The following KRT31 variants were observed in gnomAD, a reference collection of about 807,000 sequenced individuals.
KRT31 encodes keratin, type I cuticular Ha1.
In KRT31, 27 loss-of-function variants were observed where a neutral mutation model predicts 40.8. That is an observed-to-expected ratio of 0.66 (90% CI 0.49 to 0.91). KRT31 has a LOEUF of 0.91. Ranked by LOEUF, KRT31 falls within the 40% of genes least tolerant of loss-of-function variation. The pLI is 0.00. For missense variants in KRT31, 510 were observed against 544.1 expected (o/e 0.94, Z 0.62); for synonymous variants, 231 against 231.9 (o/e 1.00, Z 0.03).
Position 41,394,928 on chromosome 17 carries a change from G to A in KRT31, c.1017C>T (p.Tyr339=), listed in dbSNP as rs371841210. Residue 339 remains tyrosine (Y), a synonymous_variant, in exon 6 of 7, where the codon TAC becomes TAT. Coordinates refer to ENST00000251645, the MANE Select transcript of KRT31 (RefSeq NM_002277.3). ...RSDLERQNQE[Y]QVLLDVRARL... The stretch of plus-strand genomic sequence containing the variant: ...GGGCACGCACATCCAGCAGCACCTG[G>A]TACTCCTGGTTCTGCCGCTCCAGGT... 1.4e-5 allele frequency: 23 copies of A among 1,614,060 alleles called. No homozygotes were observed. The highest frequency in any genetic ancestry group is 2.7e-5 in the African/African-American group (2 of 74,910).
intron 3 of KRT31, 108 bp from the exon 4 acceptor site, chr17:41,395,731 T>C: frequency 3.7e-6 from 5 of 1,334,414 alleles, no homozygotes; most frequent in Non-Finnish European, 5.1e-6. Flanking sequence ...GAAAAGAAAC[T>C]TTGAGTGGAG....
At chr17:41,394,728 T>C (rs2018187813) in intron 6 of KRT31, 120 bp downstream of exon 6, 2 of 1,517,788 alleles carry the variant, frequency 1.3e-6, no homozygotes, top group Non-Finnish European at 8.9e-7. Context: ...TGAGTTCTGT[T>C]TGAGCATGTC....
chr17:41,396,884 G>T, intron 2 of KRT31, 29 bp downstream of exon 2: 1 of 1,539,836 alleles, frequency 6.5e-7, no homozygotes, highest in Non-Finnish European at 9.0e-7. Flanking sequence ...AGAAGCAATT[G>T]ACACTAGTGC....
At chr17:41,395,689 G>T in intron 3 of KRT31, 66 bp from the exon 4 acceptor site, 1 of 1,533,734 alleles carries the variant, frequency 6.5e-7, no homozygotes, top group Non-Finnish European at 8.9e-7. Flanking sequence ...GAATGGCATT[G>T]CTTGTTGAAA....
intron 6 of KRT31, 65 bp from the exon 7 acceptor site, chr17:41,394,234 T>C: frequency 1.3e-6 from 2 of 1,571,548 alleles, no homozygotes; most frequent in Admixed American, 1.8e-5. Flanking sequence ...ATGCCAGAGA[T>C]ATCCCCAAGG....
At chr17:41,396,378 G>A (rs771170524) in intron 3 of KRT31, 42 bp downstream of exon 3, 5 of 1,593,284 alleles carry the variant, frequency 3.1e-6, no homozygotes, top group Non-Finnish European at 4.3e-6. Context: ...CCCTGAGCCA[G>A]AGGCTGAGAC....
chr17:41,397,488 A>T lies in KRT31; in HGVS notation c.52T>A (p.Ser18Thr). The T allele has an allele frequency of 6.6e-7, 1 of 1,515,028 alleles. No homozygotes were observed. The highest frequency in any genetic ancestry group is 1.1e-5 in the South Asian group (1 of 89,614). 93.8% of individuals were successfully genotyped at this position (1,515,028 alleles called of 1,614,324 possible). The change falls in exon 1 of 7, where the codon TCC becomes ACC. Residue 18 changes from serine (S) to threonine (T), a missense_variant. Ser to Thr is a moderately conservative substitution (Grantham distance 58). Transcript: ENST00000251645. ...CAGCTGGGGGGCACGCAGGGCCGGGAGGAGCAGCTGGTGCGGCAGCTCAGG... is the reference window on the plus strand; with the variant it reads ...CAGCTGGGGGGCACGCAGGGCCGGGTGGAGCAGCTGGTGCGGCAGCTCAGG... ...PSLSCRTSCS[S>T]RPCVPPSCHS...
intron 5 of KRT31, 72 bp from the exon 6 acceptor site, chr17:41,395,140 G>T (rs968167368): frequency 7.3e-5 from 118 of 1,608,714 alleles, no homozygotes; most frequent in Non-Finnish European, 9.9e-5. Flanking sequence ...TTACAAGGAA[G>T]TCACAAGCTC....
At chr17:41,396,726 T>A (rs2018233444) in intron 2 of KRT31, 150 bp from the exon 3 acceptor site, 1 of 1,041,704 alleles carries the variant, frequency 9.6e-7, no homozygotes, top group Admixed American at 2.6e-5. Flanking sequence ...CAATACCCAA[T>A]ATTCATCCCA....
At position 41,395,322 on chromosome 17, in the gene KRT31, A is replaced by C. The variant is rs530602821; in HGVS notation, c.799T>G (p.Ser267Ala). 6.2e-7 allele frequency: 1 copy of C among 1,613,750 alleles called. No individual in the cohort carries two copies. The highest frequency in any genetic ancestry group is 1.1e-5 in the South Asian group (1 of 91,046). ...QVVSSSEQLQ[S>A]YQAEIIELRR... ...AGCTCGATGATCTCCGCCTGGTAGG[A>C]CTGCAGCTGCTCTGAGCTGGATACC... is the stretch of plus-strand genomic sequence containing the variant. The change falls in exon 5 of 7, where the codon TCC (serine) becomes GCC (alanine). Residue 267 changes from serine (S) to alanine (A), a missense_variant. Transcript: ENST00000251645.
At chr17:41,395,990 A>T (rs2096085883) in intron 3 of KRT31, among the ~76,000 whole-genome samples, 1 of 152,114 alleles carries the variant, frequency 6.6e-6, no homozygotes, top group Admixed American at 6.5e-5. Context: ...AGGTAAGAGC[A>T]TGTCATGGCC....
chr17:41,394,314 A>T, intron 6 of KRT31, 145 bp from the exon 7 acceptor site: 1 of 786,796 alleles, frequency 1.3e-6, no homozygotes, highest in Non-Finnish European at 2.0e-6. Context: ...CCTGCTACAA[A>T]GATAACTAAC....
Position 41,394,183 on chromosome 17 carries a change from A to G in KRT31, c.1098-14T>C. ...TTGCTGGGCAGACTGGAGACAAAAG[A>G]ATGATGTGGAAAAGTGAGTTAAGGG... On this transcript the variant is annotated splice_polypyrimidine_tract_variant and intron_variant, in intron 6 of 6. Transcript: ENST00000251645. 6.2e-7 allele frequency: 1 copy of G among 1,609,212 alleles called. No individual in the cohort carries two copies. The highest frequency in any genetic ancestry group is 2.2e-5 in the East Asian group (1 of 44,658).
Position 41,396,376 on chromosome 17 carries a change from C to G in KRT31, c.588+44G>C, listed in dbSNP as rs748052783. 3.8e-6 allele frequency: 6 copies of G among 1,590,882 alleles called. No homozygotes were observed. The South Asian group carries it at 6.8e-5, about 18-fold the overall frequency. ...CCAAATCACTAAAGCAACCCTGAGC[C>G]AGAGGCTGAGACAGGTTTGTGCATT... On this transcript the variant is annotated intron_variant, in intron 3 of 6. Coordinates refer to ENST00000251645, the MANE Select transcript of KRT31 (RefSeq NM_002277.3).
Position 41,394,117 on chromosome 17 carries a change from G to A in KRT31, c.1150C>T (p.Pro384Ser). 1 of 1,612,880 alleles carries A rather than the reference G, an allele frequency of 6.2e-7. No homozygotes were observed. The highest frequency in any genetic ancestry group is 8.5e-7 in the Non-Finnish European group (1 of 1,179,474). ...TTNACSKPIG[P>S]CLSNPCTSCV... The stretch of plus-strand genomic sequence containing the variant: ...GAGGTACAGGGATTGGAGAGACAGG[G>A]TCCGATGGGCTTGCTGCACGCGTTG... The change falls in exon 7 of 7, where the codon CCC (proline) becomes TCC (serine). Residue 384 changes from proline (P) to serine (S), a missense_variant. Coordinates refer to ENST00000251645, the MANE Select transcript of KRT31 (RefSeq NM_002277.3).
chr17:41,394,121 G>A lies in KRT31; in HGVS notation c.1146C>T (p.Ile382=), dbSNP rs370871777. 73 of 1,612,692 alleles carry A rather than the reference G, an allele frequency of 4.5e-5. No homozygotes were observed. Among genetic ancestry groups the A allele is most frequent in the South Asian group, 2.1e-4 (19 of 90,934 alleles). ...CATTNACSKP[I]GPCLSNPCTS... is the part of the protein sequence containing the mutation. Reference sequence around the variant, plus strand: ...TACAGGGATTGGAGAGACAGGGTCCGATGGGCTTGCTGCACGCGTTGGTCG... The same window carrying A: ...TACAGGGATTGGAGAGACAGGGTCCAATGGGCTTGCTGCACGCGTTGGTCG... The change falls in exon 7 of 7, where the codon ATC becomes ATT. Residue 382 remains isoleucine (I), a synonymous_variant. Transcript: ENST00000251645.
chr17:41,395,411 G>A (rs756524214), intron 4 of KRT31, 41 bp from the exon 5 acceptor site: 52 of 1,613,796 alleles, frequency 3.2e-5, no homozygotes, highest in Admixed American at 3.0e-4. Flanking sequence ...CCCTGCCTCC[G>A]GGGCCCTGGG....
chr17:41,394,206 G>A, intron 6 of KRT31, 37 bp from the exon 7 acceptor site: 4 of 1,606,662 alleles, frequency 2.5e-6, no homozygotes, highest in South Asian at 1.1e-5. Flanking sequence ...AGTGAGTTAA[G>A]GGCAATTTTA....
chr17:41,395,022 C>T lies in KRT31; in HGVS notation c.923G>A (p.Ser308Asn), dbSNP rs1278690484. ...NTLTESEARY[S>N]SQLSQVQSLI... is the part of the protein sequence containing the mutation. ...GCTCTGCACCTGGGACAGCTGGGAG[C>T]TGTAGCGGGCCTCACTCTCTGTCAG... Residue 308 changes from serine (S) to asparagine (N), a missense_variant, in exon 6 of 7, where the codon AGC (serine) becomes AAC (asparagine). Physicochemically the swap from Ser to Asn is conservative, Grantham distance 46. Coordinates refer to ENST00000251645, the MANE Select transcript of KRT31 (RefSeq NM_002277.3). 6 of 1,614,246 alleles carry T rather than the reference C, an allele frequency of 3.7e-6. No homozygotes were observed. The highest frequency in any genetic ancestry group is 1.1e-5 in the South Asian group (1 of 91,082).
Sources: gnomAD v4.1 joint callset for allele counts (sites outside exome capture counted in the v4.1 genomes callset) on GRCh38, gnomAD v4.1.1 for gene constraint, MANE v1.5 for transcripts, NCBI Gene and HGNC (gene_info 2026-07-23, HGNC 2026-07-21) for gene names.